The following CMYA5 variants were observed in gnomAD, a reference collection of about 807,000 sequenced individuals.
CMYA5 encodes the protein cardiomyopathy-associated protein 5.
Under a neutral mutation model 318.9 loss-of-function variants are expected in CMYA5, and 246 were observed. The ratio of observed to expected loss-of-function variants is 0.77; its 90% CI spans 0.70 to 0.86. The LOEUF (loss-of-function observed/expected upper bound fraction) is 0.86. CMYA5 is among the 40% of genes least tolerant of loss of function. The pLI, the probability that CMYA5 is intolerant of heterozygous loss-of-function variation, is 0.00. For missense variants in CMYA5, 4,589 were observed against 4,678.2 expected, an observed-to-expected ratio of 0.98 and a Z score of 0.56; for synonymous variants, 1,641 against 1,729.5, an observed-to-expected ratio of 0.95 and a Z score of 1.27.
At chr5:79,757,194 CAAAA>C (rs35929144) in intron 6 of CMYA5, among the ~76,000 whole-genome samples, 2 of 84,514 alleles carry the variant, frequency 2.4e-5, no homozygotes, top group Non-Finnish European at 5.0e-5. Flanking sequence ...GACTCCATCT[CAAAA>C]AAAAAAAAAA....
intron 1 of CMYA5, among the ~76,000 whole-genome samples, chr5:79,715,566 C>T (rs760155296): frequency 2.6e-5 from 4 of 152,092 alleles, no homozygotes; most frequent in Non-Finnish European, 5.9e-5. Context: ...GGATTACAGA[C>T]GTGAGCCACC....
rs1318579063 is a variant in CMYA5 at position 79,730,892 on chromosome 5, G to A, written c.2127G>A (p.Glu709=). ...EYSVPSLATK[E]SLKKTIDRKS... is the part of the protein sequence containing the mutation. ...CAGTTCCATCACTGGCAACAAAAGA[G>A]TCACTGAAGAAAACAATTGACCGTA... Residue 709 remains glutamate (E), a synonymous_variant, in exon 2 of 13, where the codon GAG becomes GAA. Transcript: ENST00000446378. The A allele has an allele frequency of 1.9e-6, 3 of 1,613,824 alleles. No individual in the cohort carries two copies. The African/African-American group carries it at 4.0e-5, about 22-fold the overall frequency.
chr5:79,732,447 C>T lies in CMYA5; in HGVS notation c.3682C>T (p.Pro1228Ser), dbSNP rs1258346629. The change falls in exon 2 of 13, where the codon CCT becomes TCT. Residue 1228 changes from proline (P) to serine (S), a missense_variant. Around this residue, in one of 3 missense-constraint regions of CMYA5, gnomAD observed 2,132 missense variants for 2,131.3 expected, o/e 1.00. Transcript: ENST00000446378. The part of the protein sequence containing the change: ...AHVSQDQKME[P>S]QPPNVPESEM... ...TGTATCACAGGATCAAAAAATGGAG[C>T]CTCAGCCTCCAAATGTTCCAGAGTC... The T allele has an allele frequency of 6.2e-7, 1 of 1,613,260 alleles. No homozygotes were observed. Among genetic ancestry groups the T allele is most frequent in the Non-Finnish European group, 8.5e-7 (1 of 1,179,616 alleles).
intron 9 of CMYA5, among the ~76,000 whole-genome samples, chr5:79,785,215 T>G (rs1376797819): frequency 6.6e-6 from 1 of 152,192 alleles, no homozygotes; most frequent in Non-Finnish European, 1.5e-5. Flanking sequence ...TGTAGCTTTA[T>G]AATTTAGAAT....
At chr5:79,713,868 G>A (rs188317072) in intron 1 of CMYA5, among the ~76,000 whole-genome samples, 49 of 152,204 alleles carry the variant, frequency 3.2e-4, no homozygotes, top group Admixed American at 9.8e-4. Context: ...TCACTACTTC[G>A]AAATCTCCTA....
chr5:79,765,729 G>A (rs1334871810), intron 9 of CMYA5, among the ~76,000 whole-genome samples: 2 of 152,080 alleles, frequency 1.3e-5, no homozygotes, highest in Admixed American at 6.5e-5. Context: ...GTATTCCTAG[G>A]TATTTAATTC....
At chr5:79,768,035 T>C (rs1186952125) in intron 9 of CMYA5, among the ~76,000 whole-genome samples, 1 of 152,224 alleles carries the variant, frequency 6.6e-6, no homozygotes, top group Non-Finnish European at 1.5e-5. Flanking sequence ...GTTATGTTGA[T>C]CCCTTTGCCA....
intron 4 of CMYA5, 115 bp downstream of exon 4, chr5:79,745,570 T>C (rs1024709627): frequency 1.4e-6 from 1 of 738,682 alleles, no homozygotes; most frequent in Admixed American, 2.7e-5. Flanking sequence ...GTGGGATTTA[T>C]ATAATTCTGG....
Position 79,735,789 on chromosome 5 carries a change from G to T in CMYA5, c.7024G>T (p.Asp2342Tyr). 6.4e-7 allele frequency: 1 copy of T among 1,554,642 alleles called. No individual in the cohort carries two copies. The highest frequency in any genetic ancestry group is 8.6e-7 in the Non-Finnish European group (1 of 1,158,974). ...AKTIVPPHVT[D>Y]SKRVQKPAIA... is the part of the protein sequence containing the mutation. ...AACTATTGTTCCTCCTCATGTTACT[G>T]ATAGTAAAAGAGTCCAGAAGCCAGC... The change falls in exon 2 of 13, where the codon GAT becomes TAT. Residue 2342 changes from aspartate (D) to tyrosine (Y), a missense_variant. Physicochemically the swap from Asp to Tyr is radical, Grantham distance 160. Transcript: ENST00000446378.
chr5:79,734,612 T>G lies in CMYA5; in HGVS notation c.5847T>G (p.His1949Gln). 1 of 1,613,894 alleles carries G rather than the reference T, an allele frequency of 6.2e-7. No homozygotes were observed. ...TCEVRKQVLPHSAEESHLSSQ... is the reference protein window; with the variant it reads ...TCEVRKQVLPQSAEESHLSSQ... ...AAGTGAGAAAGCAGGTCCTGCCGCATTCTGCTGAAGAATCTCATTTGTCAT... is the reference window on the plus strand; with the variant it reads ...AAGTGAGAAAGCAGGTCCTGCCGCAGTCTGCTGAAGAATCTCATTTGTCAT... Residue 1949 changes from histidine (H) to glutamine (Q), a missense_variant, in exon 2 of 13, where the codon CAT (histidine) becomes CAG (glutamine). By Grantham distance (24) the His-to-Gln change is conservative. Coordinates refer to ENST00000446378, the MANE Select transcript of CMYA5 (RefSeq NM_153610.5).
At chr5:79,718,384 T>G (rs1040800178) in intron 1 of CMYA5, among the ~76,000 whole-genome samples, 1 of 152,190 alleles carries the variant, frequency 6.6e-6, no homozygotes, top group African/African-American at 2.4e-5. Flanking sequence ...TTCTTGGTGT[T>G]TTATGGCTTA....
Position 79,736,582 on chromosome 5 carries a change from A to G in CMYA5, c.7817A>G (p.His2606Arg). The G allele has an allele frequency of 1.2e-6, 2 of 1,613,764 alleles. No individual in the cohort carries two copies. Among genetic ancestry groups the G allele is most frequent in the Non-Finnish European group, 1.7e-6 (2 of 1,179,770 alleles). The change falls in exon 2 of 13, where the codon CAC becomes CGC. Residue 2606 changes from histidine (H) to arginine (R), a missense_variant. By Grantham distance (29) the His-to-Arg change is conservative. This residue lies in a region of CMYA5 where 2,431 missense variants were observed against 2,495.1 expected (regional missense o/e 0.97). Transcript: ENST00000446378. ...EKSEAMLAEAHPEIREAKAVG... is the reference protein window; with the variant it reads ...EKSEAMLAEARPEIREAKAVG... ...TCAGAAGCCATGCTCGCAGAGGCTCACCCAGAAATCAGAGAAGCAAAGGCA... is the reference window on the plus strand; with the variant it reads ...TCAGAAGCCATGCTCGCAGAGGCTCGCCCAGAAATCAGAGAAGCAAAGGCA...
At chr5:79,769,289 G>A (rs1035138544) in intron 9 of CMYA5, among the ~76,000 whole-genome samples, 2 of 151,962 alleles carry the variant, frequency 1.3e-5, no homozygotes, top group East Asian at 3.9e-4. Flanking sequence ...TTCTGAAGCC[G>A]ACTTCTGTCA....
At chr5:79,788,933 C>T (rs1210151840) in intron 9 of CMYA5, 38 bp from the exon 10 acceptor site, 1 of 1,585,232 alleles carries the variant, frequency 6.3e-7, no homozygotes, top group Non-Finnish European at 8.6e-7. Flanking sequence ...TAGCATGTGG[C>T]ATTATGTTTA....
rs796695850 is a variant in CMYA5 at position 79,738,387 on chromosome 5, G to T, written c.9622G>T (p.Glu3208Ter). The T allele has an allele frequency of 4.3e-6, 7 of 1,613,754 alleles. No homozygotes were observed. The East Asian group carries it at 1.3e-4, about 31-fold the overall frequency. Reference sequence around the variant, plus strand: ...AGCAGTTGGAGAGAAAAAGAAGGAAGAGGAGACAGCTTCTGAAGGTGACAG... The same window carrying T: ...AGCAGTTGGAGAGAAAAAGAAGGAATAGGAGACAGCTTCTGAAGGTGACAG... ...EEAVGEKKKE[E>*]ETASEGDSVN... Residue 3208 changes from glutamate to a stop codon, truncating the protein, a stop_gained, in exon 2 of 13, where the codon GAG (glutamate) becomes TAG (stop). Coordinates refer to ENST00000446378, the MANE Select transcript of CMYA5 (RefSeq NM_153610.5). LOFTEE classifies it high-confidence loss of function.
At chr5:79,726,079 G>A (rs76149271) in intron 1 of CMYA5, among the ~76,000 whole-genome samples, 8,342 of 152,202 alleles carry the variant, frequency 0.055, 402 homozygotes, top group East Asian at 0.25. Flanking sequence ...ATACATGAAT[G>A]AATGAAAATG....
chr5:79,734,092 G>T lies in CMYA5; in HGVS notation c.5327G>T (p.Gly1776Val). Reference sequence around the variant, plus strand: ...GAAATAGGCCCATTACCACCAACTGGAAATTTGAAGGCACAAGTCATGGGA... The same window carrying T: ...GAAATAGGCCCATTACCACCAACTGTAAATTTGAAGGCACAAGTCATGGGA... ...NQEIGPLPPT[G>V]NLKAQVMGDI... The change falls in exon 2 of 13, where the codon GGA becomes GTA. Residue 1776 changes from glycine (G) to valine (V), a missense_variant. Transcript: ENST00000446378. The T allele has an allele frequency of 6.2e-7, 1 of 1,613,716 alleles. No individual in the cohort carries two copies. The highest frequency in any genetic ancestry group is 8.5e-7 in the Non-Finnish European group (1 of 1,179,800).
chr5:79,736,727 A>T lies in CMYA5; in HGVS notation c.7962A>T (p.Glu2654Asp). Reference protein sequence around the residue: ...DEIENHSLSQEGNLVLEKSSR... With the variant: ...DEIENHSLSQDGNLVLEKSSR... The stretch of plus-strand genomic sequence containing the variant: ...TAGAGAACCACTCTTTATCTCAGGA[A>T]GGAAATCTAGTATTAGAAAAGTCAA... Residue 2654 changes from glutamate to aspartate, a missense_variant, in exon 2 of 13, where the codon GAA becomes GAT. By Grantham distance (45) the Glu-to-Asp change is conservative (BLOSUM62 2). This residue lies in a region of CMYA5 where 2,431 missense variants were observed against 2,495.1 expected (regional missense o/e 0.97). Transcript: ENST00000446378. 1 of 1,613,300 alleles carries T rather than the reference A, an allele frequency of 6.2e-7. No homozygotes were observed. The highest frequency in any genetic ancestry group is 1.1e-5 in the South Asian group (1 of 91,062).
chr5:79,771,886 G>C (rs1463739173), intron 9 of CMYA5, among the ~76,000 whole-genome samples: 1 of 152,050 alleles, frequency 6.6e-6, no homozygotes, highest in African/African-American at 2.4e-5. Flanking sequence ...CTGATGACTG[G>C]GTGGTACCAT....
Sources: allele counts gnomAD v4.1 joint callset (sites outside exome capture counted in the v4.1 genomes callset), GRCh38; gene constraint gnomAD v4.1.1; regional missense constraint gnomAD v4.1.1; transcripts MANE v1.5; gene names NCBI Gene and HGNC (gene_info 2026-07-23, HGNC 2026-07-21).